Variants in STEEP1 observed in about 807,000 individuals in gnomAD.
The protein encoded by STEEP1 is STING ER exit protein.
Under a neutral mutation model 19.2 loss-of-function variants are expected in STEEP1, and 3 were observed. The observed-to-expected ratio is 0.16, with a 90% confidence interval of 0.07 to 0.40. The LOEUF (loss-of-function observed/expected upper bound fraction) is 0.40. Ranked by LOEUF, STEEP1 falls within the 10% of genes least tolerant of loss-of-function variation. The pLI is 0.99. For synonymous variants in STEEP1, 46 were observed against 63.7 expected (o/e 0.72, Z 1.32); for missense variants, 54 against 177.1 (o/e 0.30, Z 3.94).
At chrX:119,563,464 C>T (rs953535747) in intron 1 of STEEP1, among the ~76,000 whole-genome samples, 1 of 108,907 alleles carries the variant, frequency 9.2e-6, no homozygotes, top group African/African-American at 3.4e-5. Flanking sequence ...AGGAGAATCG[C>T]TTGAACCTGG....
intron 2 of STEEP1, among the ~76,000 whole-genome samples, chrX:119,549,124 G>A (rs768228206): frequency 2.1e-4 from 23 of 111,476 alleles, no homozygotes; most frequent in East Asian, 1.7e-3. Context: ...TTTCTGTTGC[G>A]CAAGATGAGT....
chrX:119,558,131 A>ACTC (rs1371889716), intron 2 of STEEP1, among the ~76,000 whole-genome samples: 1 of 110,156 alleles, frequency 9.1e-6, no homozygotes, highest in Admixed American at 9.7e-5. Flanking sequence ...CTGGTCTCGA[A>ACTC]CTCCTGGTCT....
rs371895732 is a variant in STEEP1, at chrX:119,541,369, G to A, written c.565C>T (p.Leu189=). ...AQNAKVIEKQ[L]ERKGMSKRRL... The stretch of plus-strand genomic sequence containing the variant: ...CTCTTGCTCATGCCTTTGCGCTCCA[G>A]CTGTTTTTCAATCACTTTGGCATTC... The change falls in exon 6 of 7, where the codon CTG becomes TTG. Residue 189 remains leucine, a synonymous_variant. Coordinates refer to ENST00000644802, the MANE Select transcript of STEEP1 (RefSeq NM_022101.4). 1.3e-5 allele frequency: 16 copies of A among 1,201,743 alleles called. No homozygotes were observed. In the African/African-American group the frequency reaches 1.7e-4, roughly 13 times the overall value.
At chrX:119,540,100 G>C (rs899258838) in intron 6 of STEEP1, among the ~76,000 whole-genome samples, 4 of 111,726 alleles carry the variant, frequency 3.6e-5, no homozygotes, top group Non-Finnish European at 7.5e-5. Context: ...TGGCATACCA[G>C]TATGCTATTC....
intron 2 of STEEP1, among the ~76,000 whole-genome samples, chrX:119,550,722 G>T (rs140597613): frequency 2.7e-5 from 3 of 111,821 alleles, no homozygotes; most frequent in Non-Finnish European, 5.6e-5. Context: ...ACAGTGGCAC[G>T]ATCTTGGCTG....
At chrX:119,551,624 T>C (rs891711534) in intron 2 of STEEP1, among the ~76,000 whole-genome samples, 6 of 111,451 alleles carry the variant, frequency 5.4e-5, no homozygotes, top group African/African-American at 2.0e-4. Context: ...AGATGGTTTA[T>C]TGGTGAATGC....
At chrX:119,560,535 GT>G (rs1283803017) in intron 1 of STEEP1, 150 bp from the exon 2 acceptor site, 2 of 440,542 alleles carry the variant, frequency 4.5e-6, no homozygotes, top group Non-Finnish European at 7.9e-6. Flanking sequence ...ATTATTGAAT[GT>G]TCCAACTAAA....
intron 5 of STEEP1, 93 bp downstream of exon 5, chrX:119,542,412 T>TTA: frequency 1.6e-6 from 1 of 617,738 alleles, no homozygotes; most frequent in Non-Finnish European, 2.7e-6. Flanking sequence ...AAGTCTCTAA[T>TTA]ATTTCCACTA....
intron 4 of STEEP1, among the ~76,000 whole-genome samples, chrX:119,543,418 C>T (rs762227146): frequency 9.1e-6 from 1 of 110,046 alleles, no homozygotes; most frequent in Non-Finnish European, 1.9e-5. Context: ...AACTCCTGAC[C>T]TCAGGTGATC....
At chrX:119,555,108 CAA>C (rs60756610) in intron 2 of STEEP1, among the ~76,000 whole-genome samples, 15 of 93,323 alleles carry the variant, frequency 1.6e-4, no homozygotes, top group East Asian at 3.4e-4. Flanking sequence ...GACCCTGCCT[CAA>C]AAAAAAAAAA....
At chrX:119,558,409 C>T (rs1241608452) in intron 2 of STEEP1, among the ~76,000 whole-genome samples, 3 of 110,820 alleles carry the variant, frequency 2.7e-5, no homozygotes, top group African/African-American at 9.8e-5. Context: ...TGGTGGCAGG[C>T]GCCTGTAGTC....
chrX:119,544,236 AAAAG>A (rs1319892597), intron 4 of STEEP1, 113 bp downstream of exon 4: 2 of 519,752 alleles, frequency 3.8e-6, no homozygotes, highest in Admixed American at 3.6e-5. Flanking sequence ...CAAAAAAAGA[AAAAG>A]AAATAAAAAG....
chrX:119,558,938 C>T (rs867582188), intron 2 of STEEP1, among the ~76,000 whole-genome samples: 3 of 110,876 alleles, frequency 2.7e-5, no homozygotes, highest in East Asian at 2.8e-4. Context: ...AGAGATAGGC[C>T]GGGCGCAGTG....
At chrX:119,553,528 A>G (rs1569400334) in intron 2 of STEEP1, among the ~76,000 whole-genome samples, 1 of 111,885 alleles carries the variant, frequency 8.9e-6, no homozygotes, top group Non-Finnish European at 1.9e-5. Context: ...TGCTTGGGAT[A>G]TAACTATACA....
intron 2 of STEEP1, among the ~76,000 whole-genome samples, chrX:119,547,680 C>T (rs762942799): frequency 2.7e-4 from 30 of 111,554 alleles, no homozygotes; most frequent in Non-Finnish European, 4.1e-4. Flanking sequence ...TGACTTTTTC[C>T]ACCATGTGGA....
intron 2 of STEEP1, among the ~76,000 whole-genome samples, chrX:119,548,452 T>G (rs2053221006): frequency 1.0e-5 from 1 of 99,533 alleles, no homozygotes; most frequent in African/African-American, 3.8e-5. Context: ...GGGAATCACT[T>G]GAACCCGGGA....
At chrX:119,559,534 C>A (rs781113474) in intron 2 of STEEP1, among the ~76,000 whole-genome samples, 18 of 111,196 alleles carry the variant, frequency 1.6e-4, no homozygotes, top group African/African-American at 5.9e-4. Flanking sequence ...GACCCACTCC[C>A]ACCTGTTTTT....
At chrX:119,563,940 C>T (rs1405171311) in intron 1 of STEEP1, among the ~76,000 whole-genome samples, 1 of 111,240 alleles carries the variant, frequency 9.0e-6, no homozygotes, top group Non-Finnish European at 1.9e-5. Context: ...TGTAGAGGGT[C>T]ATGAACTCAA....
chrX:119,560,482 G>A, intron 1 of STEEP1, 97 bp from the exon 2 acceptor site: 1 of 541,981 alleles, frequency 1.8e-6, no homozygotes, highest in Non-Finnish European at 3.2e-6. Flanking sequence ...GGGATCCCTA[G>A]CACTAGAATT....
Sources: gnomAD v4.1 joint callset for allele counts (sites outside exome capture counted in the v4.1 genomes callset) on GRCh38, gnomAD v4.1.1 for gene constraint, MANE v1.5 for transcripts, NCBI Gene and HGNC (gene_info 2026-07-23, HGNC 2026-07-21) for gene names.